The following SPAG16 variants were observed in gnomAD, a reference collection of about 807,000 sequenced individuals.
SPAG16 encodes sperm associated antigen 16, also known as sperm-associated antigen 16 protein.
In SPAG16, 86 loss-of-function variants were observed where a neutral mutation model predicts 80.4. The observed-to-expected ratio is 1.07, with a 90% CI of 0.90 to 1.28. SPAG16 has a LOEUF of 1.28. SPAG16 is among the 50% of genes most tolerant of loss of function. The pLI is 0.00. For missense variants in SPAG16, 870 were observed against 765.3 expected, an observed-to-expected ratio of 1.14 and a Z score of -1.61; for synonymous variants, 294 against 265.9, an observed-to-expected ratio of 1.11 and a Z score of -1.03.
chr2:213,860,117 G>A (rs537716096), intron 10 of SPAG16, among the ~76,000 whole-genome samples: 10 of 152,106 alleles, frequency 6.6e-5, no homozygotes, highest in South Asian at 6.2e-4. Flanking sequence ...TCCCACAGGA[G>A]TGATTTGAAC....
At chr2:213,528,528 T>C (rs2075964962) in intron 10 of SPAG16, among the ~76,000 whole-genome samples, 1 of 152,074 alleles carries the variant, frequency 6.6e-6, no homozygotes, top group African/African-American at 2.4e-5. Context: ...TTAATTGCCT[T>C]CTCAATACAG....
chr2:213,982,936 T>C (rs1308292477), intron 12 of SPAG16, among the ~76,000 whole-genome samples: 1 of 152,034 alleles, frequency 6.6e-6, no homozygotes, highest in East Asian at 1.9e-4. Context: ...ACAATTACTA[T>C]AATTTAAAAT....
intron 10 of SPAG16, among the ~76,000 whole-genome samples, chr2:213,641,841 C>A (rs778147131): frequency 2.0e-5 from 3 of 152,102 alleles, no homozygotes; most frequent in African/African-American, 7.2e-5. Context: ...GGGGAGGCCT[C>A]AGGAAATTTA....
chr2:214,069,850 T>C (rs2050705660), intron 13 of SPAG16, among the ~76,000 whole-genome samples: 1 of 152,088 alleles, frequency 6.6e-6, no homozygotes, highest in African/African-American at 2.4e-5. Flanking sequence ...CAATATCAGA[T>C]AGACAACAGA....
intron 10 of SPAG16, among the ~76,000 whole-genome samples, chr2:213,664,794 A>G (rs1212164951): frequency 1.3e-5 from 2 of 151,498 alleles, no homozygotes; most frequent in Non-Finnish European, 2.9e-5. Flanking sequence ...CCTCTTTCTG[A>G]AACTTCATAT....
chr2:213,694,293 C>T (rs773536535), intron 10 of SPAG16, among the ~76,000 whole-genome samples: 4 of 152,170 alleles, frequency 2.6e-5, no homozygotes, highest in South Asian at 2.1e-4. Context: ...CTTCTGTAAT[C>T]GAGCTGTATC....
At chr2:213,470,282 A>C (rs1361209709) in intron 9 of SPAG16, among the ~76,000 whole-genome samples, 1 of 152,124 alleles carries the variant, frequency 6.6e-6, no homozygotes, top group African/African-American at 2.4e-5. Flanking sequence ...TGAATTCCAT[A>C]AGCATGATCC....
chr2:213,450,553 ATCT>A (rs1229515432), intron 9 of SPAG16, among the ~76,000 whole-genome samples: 5 of 152,170 alleles, frequency 3.3e-5, no homozygotes, highest in African/African-American at 1.2e-4. Flanking sequence ...TTATGAAGTT[ATCT>A]TCTTTAAATT....
chr2:213,792,237 G>T (rs1300692138), intron 10 of SPAG16, among the ~76,000 whole-genome samples: 1 of 152,194 alleles, frequency 6.6e-6, no homozygotes, highest in Non-Finnish European at 1.5e-5. Flanking sequence ...CATAGCTTTT[G>T]CTGACGGAAG....
At chr2:214,115,959 C>T (rs2053914268) in intron 14 of SPAG16, among the ~76,000 whole-genome samples, 3 of 151,728 alleles carry the variant, frequency 2.0e-5, no homozygotes, top group African/African-American at 7.3e-5. Flanking sequence ...AGTCTATCAG[C>T]AGGAGTTTCA....
At chr2:213,467,763 T>G (rs2072782877) in intron 9 of SPAG16, among the ~76,000 whole-genome samples, 1 of 152,200 alleles carries the variant, frequency 6.6e-6, no homozygotes. Context: ...CTCAGTGACC[T>G]GCATCTCTGG....
At chr2:214,254,046 T>A (rs1690498411) in intron 15 of SPAG16, among the ~76,000 whole-genome samples, 1 of 152,124 alleles carries the variant, frequency 6.6e-6, no homozygotes, top group South Asian at 2.1e-4. Flanking sequence ...TTCCTAGGTA[T>A]TTTATTCTCT....
At chr2:214,388,560 G>A (rs1378270875) in intron 15 of SPAG16, among the ~76,000 whole-genome samples, 1 of 152,166 alleles carries the variant, frequency 6.6e-6, no homozygotes, top group East Asian at 1.9e-4. Flanking sequence ...CCTTCATCAA[G>A]ACAGAATTAA....
chr2:213,552,619 G>A (rs1290266881), intron 10 of SPAG16, among the ~76,000 whole-genome samples: 1 of 152,186 alleles, frequency 6.6e-6, no homozygotes, highest in Non-Finnish European at 1.5e-5. Context: ...TCAAGATAGT[G>A]GAGTAGGATT....
chr2:214,015,600 GA>G lies in SPAG16; in HGVS notation c.1527+1536del, dbSNP rs61341736. On this transcript the variant is annotated intron_variant, in intron 13 of 15. Transcript: ENST00000331683. The stretch of plus-strand genomic sequence containing the variant: ...GCAACAAGGGCAAAACTCCATCTCA[GA>G]AAAAAAAAAAAATCAAAGAAAGAAA... Among the ~76,000 whole-genome samples, 505 of 144,506 alleles carry G rather than the reference GA, an allele frequency of 3.5e-3. 2 individuals are homozygous for G. Among genetic ancestry groups the G allele is most frequent in the Admixed American group, 0.013 (182 of 14,498 alleles). 94.8% of individuals were successfully genotyped at this position (144,506 alleles called of 152,430 possible). A position where few individuals can be genotyped will look rare whatever the true frequency, so the allele number is the denominator to read the frequency against.
chr2:214,201,411 A>G (rs1047478686), intron 15 of SPAG16, among the ~76,000 whole-genome samples: 3 of 152,228 alleles, frequency 2.0e-5, no homozygotes, highest in Non-Finnish European at 4.4e-5. Context: ...GCAAACTCTA[A>G]GCTTTCATAT....
intron 13 of SPAG16, among the ~76,000 whole-genome samples, chr2:214,089,946 G>A (rs1424296743): frequency 6.6e-6 from 1 of 151,948 alleles, no homozygotes; most frequent in Non-Finnish European, 1.5e-5. Flanking sequence ...ATGAGTGTCT[G>A]CTCCCTGGGC....
chr2:214,339,002 C>G (rs1299579461), intron 15 of SPAG16, among the ~76,000 whole-genome samples: 2 of 152,082 alleles, frequency 1.3e-5, no homozygotes, highest in African/African-American at 4.8e-5. Flanking sequence ...GATATTTCTG[C>G]CAACAGAAAG....
intron 10 of SPAG16, among the ~76,000 whole-genome samples, chr2:213,832,242 TC>T (rs2073710530): frequency 6.6e-6 from 1 of 151,864 alleles, no homozygotes; most frequent in Admixed American, 6.6e-5. Context: ...GTGATCCACC[TC>T]CCCTGTCCTC....
Sources: gnomAD v4.1 joint callset for allele counts (sites outside exome capture counted in the v4.1 genomes callset) on GRCh38, gnomAD v4.1.1 for gene constraint, MANE v1.5 for transcripts, NCBI Gene and HGNC (gene_info 2026-07-23, HGNC 2026-07-21) for gene names.